DDX10: variants seen among roughly 807,000 people sequenced by gnomAD.
DDX10 encodes probable ATP-dependent RNA helicase DDX10.
Under a neutral mutation model 104.3 loss-of-function variants are expected in DDX10, and 74 were observed. The observed-to-expected ratio is 0.71, with a 90% CI of 0.59 to 0.86. The LOEUF (loss-of-function observed/expected upper bound fraction) is 0.86. DDX10 is among the 40% of genes least tolerant of loss of function. The pLI is 0.00. For missense variants in DDX10, 952 were observed against 1,040.0 expected, an observed-to-expected ratio of 0.92 and a Z score of 1.16; for synonymous variants, 351 against 353.4, an observed-to-expected ratio of 0.99 and a Z score of 0.08.
intron 13 of DDX10, among the ~76,000 whole-genome samples, chr11:108,830,827 G>T (rs1289186535): frequency 1.3e-5 from 2 of 151,960 alleles, no homozygotes; most frequent in African/African-American, 4.8e-5. Flanking sequence ...TTTTGTTTTT[G>T]ATTCTATTTA....
At chr11:108,841,988 A>G (rs1862644917) in intron 15 of DDX10, among the ~76,000 whole-genome samples, 1 of 152,096 alleles carries the variant, frequency 6.6e-6, no homozygotes, top group South Asian at 2.1e-4. Context: ...GGTTTGTTTC[A>G]CCATTCAACC....
intron 13 of DDX10, among the ~76,000 whole-genome samples, chr11:108,733,324 C>T (rs2094314545): frequency 6.6e-6 from 1 of 152,076 alleles, no homozygotes; most frequent in South Asian, 2.1e-4. Flanking sequence ...CTCCTTTCAG[C>T]AGCAGTTACC....
At chr11:108,790,940 A>G (rs562831779) in intron 13 of DDX10, among the ~76,000 whole-genome samples, 27 of 152,262 alleles carry the variant, frequency 1.8e-4, no homozygotes, top group Admixed American at 3.9e-4. Flanking sequence ...TAAAAATCCA[A>G]TGTGGTTGGT....
intron 13 of DDX10, among the ~76,000 whole-genome samples, chr11:108,816,555 C>CTTT (rs35878699): frequency 2.9e-5 from 4 of 137,384 alleles, no homozygotes; most frequent in Middle Eastern, 3.8e-3. Context: ...TAAAAATAGC[C>CTTT]TTTTTTTTTT....
chr11:108,883,005 C>G (rs1863247479), intron 16 of DDX10, among the ~76,000 whole-genome samples: 1 of 152,148 alleles, frequency 6.6e-6, no homozygotes, highest in South Asian at 2.1e-4. Flanking sequence ...TAATGATTAT[C>G]ATTAAAATCA....
At chr11:108,859,385 G>A (rs548502162) in intron 16 of DDX10, among the ~76,000 whole-genome samples, 1 of 152,122 alleles carries the variant, frequency 6.6e-6, no homozygotes, top group Middle Eastern at 3.4e-3. Flanking sequence ...TATTAAACTT[G>A]CAAAATGTAC....
intron 16 of DDX10, among the ~76,000 whole-genome samples, chr11:108,894,018 A>T (rs1863409340): frequency 6.6e-6 from 1 of 152,098 alleles, no homozygotes; most frequent in Non-Finnish European, 1.5e-5. Flanking sequence ...CCACTTGTAA[A>T]TGACTGCAGC....
chr11:108,684,023 A>G (rs990379883), intron 6 of DDX10, among the ~76,000 whole-genome samples: 1 of 151,770 alleles, frequency 6.6e-6, no homozygotes, highest in Admixed American at 6.6e-5. Flanking sequence ...ATCTTGTGTC[A>G]TCCCAAACTT....
intron 16 of DDX10, among the ~76,000 whole-genome samples, chr11:108,854,668 T>C (rs1315777771): frequency 6.6e-6 from 1 of 152,188 alleles, no homozygotes; most frequent in Non-Finnish European, 1.5e-5. Flanking sequence ...TCTACCTTGT[T>C]TTGTGTTTCA....
At chr11:108,861,359 G>T (rs193167692) in intron 16 of DDX10, among the ~76,000 whole-genome samples, 1 of 152,050 alleles carries the variant, frequency 6.6e-6, no homozygotes, top group East Asian at 1.9e-4. Context: ...GCGTTTGGAC[G>T]GGTGAGTGTG....
In DDX10 at chr11:108,695,412, C is replaced by G. The variant is rs147001528; in HGVS notation, c.1223+1812C>G. ...TGCCACAAACTCTTCTCAAAACTTT[C>G]CCAGGGATGTGAGGATCTTTAGGCC... On this transcript the variant is annotated intron_variant, in intron 9 of 17. Coordinates refer to ENST00000322536, the MANE Select transcript of DDX10 (RefSeq NM_004398.4). 2.0e-3 allele frequency among the ~76,000 whole-genome samples: 306 copies of G among 152,278 alleles called. 2 individuals are homozygous for G. Among genetic ancestry groups the G allele is most frequent in the Middle Eastern group, 3.4e-3 (1 of 294 alleles).
At chr11:108,716,440 A>G (rs1214308768) in intron 11 of DDX10, among the ~76,000 whole-genome samples, 1 of 152,142 alleles carries the variant, frequency 6.6e-6, no homozygotes, top group Non-Finnish European at 1.5e-5. Flanking sequence ...TTTTTTATAT[A>G]TATGGATTGG....
intron 16 of DDX10, chr11:108,861,066 T>C (rs1312558141): frequency 1.3e-5 from 2 of 151,104 alleles, no homozygotes; most frequent in East Asian, 1.9e-4. Flanking sequence ...CCAAGAGAGA[T>C]TAACATTTGA....
At chr11:108,851,209 A>G (rs1862787359) in intron 15 of DDX10, among the ~76,000 whole-genome samples, 1 of 152,146 alleles carries the variant, frequency 6.6e-6, no homozygotes, top group Admixed American at 6.6e-5. Context: ...CTAACACAGG[A>G]AAACTGCATG....
At chr11:108,741,576 T>A (rs2094325271) in intron 13 of DDX10, among the ~76,000 whole-genome samples, 1 of 152,158 alleles carries the variant, frequency 6.6e-6, no homozygotes, top group Non-Finnish European at 1.5e-5. Flanking sequence ...TTGGACGGGA[T>A]TGCATTCTTG....
At chr11:108,719,124 T>TTTAAAAAAAAAA (rs370827717) in intron 11 of DDX10, among the ~76,000 whole-genome samples, 1 of 149,942 alleles carries the variant, frequency 6.7e-6, no homozygotes, top group Non-Finnish European at 1.5e-5. Context: ...TTTTTTTTTT[T>TTTAAAAAAAAAA]AACAGAAACA....
chr11:108,920,440 G>C (rs1037010245), intron 17 of DDX10: 1 of 152,186 alleles, frequency 6.6e-6, no homozygotes, highest in Non-Finnish European at 1.5e-5. Context: ...GATCACTGAT[G>C]AGGGATTTTA....
intron 15 of DDX10, among the ~76,000 whole-genome samples, chr11:108,845,013 A>C (rs1320526743): frequency 6.6e-6 from 1 of 152,024 alleles, no homozygotes; most frequent in African/African-American, 2.4e-5. Context: ...TGGCTAACAC[A>C]GTGAAACCCC....
intron 13 of DDX10, among the ~76,000 whole-genome samples, chr11:108,749,070 T>TTC (rs146782260): frequency 0.032 from 4,891 of 150,780 alleles, 255 homozygotes; most frequent in African/African-American, 0.11. Flanking sequence ...CTCTCTCTCT[T>TTC]TCTCTCTCTC....
Sources: allele counts gnomAD v4.1 joint callset (sites outside exome capture counted in the v4.1 genomes callset), GRCh38; gene constraint gnomAD v4.1.1; transcripts MANE v1.5; gene names NCBI Gene and HGNC (gene_info 2026-07-23, HGNC 2026-07-21).